Variants in BST1 observed in about 807,000 individuals in gnomAD.
The protein encoded by BST1 is ADP-ribosyl cyclase/cyclic ADP-ribose hydrolase 2.
In BST1, 49 loss-of-function variants were observed where a neutral mutation model predicts 40.6. The observed-to-expected ratio is 1.21, with a 90% CI of 0.96 to 1.53. BST1 has a LOEUF of 1.53. BST1 is among the 40% of genes most tolerant of loss of function. The pLI, the probability that BST1 is intolerant of heterozygous loss-of-function variation, is 0.00. For synonymous variants in BST1, 157 were observed against 159.3 expected (o/e 0.99, Z 0.11); for missense variants, 423 against 395.9 (o/e 1.07, Z -0.58).
At chr4:15,724,699 AAAATAAG>A (rs1721003994) in intron 8 of BST1, among the ~76,000 whole-genome samples, 1 of 142,162 alleles carries the variant, frequency 7.0e-6, no homozygotes, top group African/African-American at 2.9e-5. Flanking sequence ...AAAATAAAAT[AAAATAAG>A]AGAGAGAGAG....
Position 15,715,271 on chromosome 4 carries a change from G to T in BST1, c.535-14G>T, listed in dbSNP as rs1289236595. 2.5e-6 allele frequency: 4 copies of T among 1,611,942 alleles called. No individual in the cohort carries two copies. Among genetic ancestry groups the T allele is most frequent in the Non-Finnish European group, 3.4e-6 (4 of 1,178,538 alleles). On this transcript the variant is annotated splice_polypyrimidine_tract_variant and intron_variant, in intron 4 of 8. Coordinates refer to ENST00000265016, the MANE Select transcript of BST1 (RefSeq NM_004334.3). The stretch of plus-strand genomic sequence containing the variant: ...ACGTCTTTATTTGCTAAAAATACTT[G>T]GTTCTTCTCGTAGTATTCCAAGGAT...
In BST1 at chr4:15,705,552, G is replaced by T; in HGVS notation, c.226G>T (p.Val76Leu). The change falls in exon 2 of 9, where the codon GTG becomes TTG. Residue 76 changes from valine (V) to leucine (L), a missense_variant. By Grantham distance (32) the Val-to-Leu change is conservative (BLOSUM62 1). Transcript: ENST00000265016. The part of the protein sequence containing the change: ...NCTAIWEAFK[V>L]ALDKDPCSVL... ...CACAGCCATCTGGGAAGCCTTTAAAGTGGCGCTGGACAAGGATCCCTGCTC... is the reference window on the plus strand; with the variant it reads ...CACAGCCATCTGGGAAGCCTTTAAATTGGCGCTGGACAAGGATCCCTGCTC... 1 of 1,605,838 alleles carries T rather than the reference G, an allele frequency of 6.2e-7. No homozygotes were observed. Among genetic ancestry groups the T allele is most frequent in the South Asian group, 1.1e-5 (1 of 89,842 alleles).
chr4:15,712,180 T>C (rs10006230), intron 4 of BST1, among the ~76,000 whole-genome samples: 6,207 of 152,308 alleles, frequency 0.041, 395 homozygotes, highest in African/African-American at 0.14. Flanking sequence ...ATCATTAGTA[T>C]TTCAAATCAA....
chr4:15,711,995 G>A lies in BST1; in HGVS notation c.534+106G>A, dbSNP rs138828319. On this transcript the variant is annotated intron_variant, in intron 4 of 8. Transcript: ENST00000265016. ...CCAGGTCATCACTCAACTTCTCTGA[G>A]CCTCACTTTCCACTTTTACCACATC... is the stretch of plus-strand genomic sequence containing the variant. 611 of 891,212 alleles carry A rather than the reference G, an allele frequency of 6.9e-4. 3 individuals are homozygous for A. In the African/African-American group the frequency reaches 8.8e-3, roughly 13 times the overall value. The allele number at this position is 891,212 out of a possible 1,614,324, so 55.2% of individuals were successfully genotyped here. A position where few individuals can be genotyped will look rare whatever the true frequency, so the allele number is the denominator to read the frequency against.
the BST1 span, among the ~76,000 whole-genome samples, chr4:15,756,721 C>T: frequency 6.6e-6 from 1 of 152,130 alleles, no homozygotes; most frequent in Non-Finnish European, 1.5e-5. Flanking sequence ...TTCCCCCTAG[C>T]GGCCTCGGAG....
chr4:15,759,834 A>G, the BST1 span, among the ~76,000 whole-genome samples: 1 of 152,066 alleles, frequency 6.6e-6, no homozygotes, highest in Non-Finnish European at 1.5e-5. Context: ...AGTGGCATCA[A>G]ATCTGGAATG....
the BST1 span, among the ~76,000 whole-genome samples, chr4:15,755,009 T>C: frequency 6.6e-6 from 1 of 152,250 alleles, no homozygotes; most frequent in South Asian, 2.1e-4. Context: ...TCTGTATCAA[T>C]ACATACAGAG....
chr4:15,743,312 AACAAAAAAGCATGC>A (rs1274281131), downstream of BST1: 1 of 340,850 alleles, frequency 2.9e-6, no homozygotes. Flanking sequence ...AGCTAAACAG[AACAAAAAAGCATGC>A]ACATCTTACA....
In BST1 at chr4:15,707,519, C is replaced by T; in HGVS notation, c.324C>T (p.Phe108=). 1 of 1,611,008 alleles carries T rather than the reference C, an allele frequency of 6.2e-7. No homozygotes were observed. The highest frequency in any genetic ancestry group is 8.5e-7 in the Non-Finnish European group (1 of 1,178,706). The change falls in exon 3 of 9, where the codon TTC becomes TTT. Residue 108 remains phenylalanine, a synonymous_variant. Coordinates refer to ENST00000265016, the MANE Select transcript of BST1 (RefSeq NM_004334.3). ...RHSIPRDKSL[F]WENSHLLVNS... Reference sequence around the variant, plus strand: ...TGTTTGTCTTTCCTTAGTCCCTGTTCTGGGAAAATAGCCACCTCCTTGTTA... The same window carrying T: ...TGTTTGTCTTTCCTTAGTCCCTGTTTTGGGAAAATAGCCACCTCCTTGTTA...
At chr4:15,747,287 C>T in the BST1 span, among the ~76,000 whole-genome samples, 5,035 of 152,248 alleles carry the variant, frequency 0.033, 281 homozygotes, top group African/African-American at 0.11. Flanking sequence ...ATATATTAAC[C>T]ACAGTCTCAG....
intron 6 of BST1, among the ~76,000 whole-genome samples, 186 bp from the exon 7 acceptor site, chr4:15,718,721 A>G (rs568960300): frequency 1.1e-3 from 161 of 152,346 alleles, no homozygotes; most frequent in Non-Finnish European, 1.8e-3. Context: ...TCCTCAGAGC[A>G]TCGTCTCTTG....
At chr4:15,737,497 G>C (rs143794072), downstream of BST1, among the ~76,000 whole-genome samples, 73 of 152,336 alleles carry the variant, frequency 4.8e-4, no homozygotes, top group Middle Eastern at 6.8e-3. Flanking sequence ...GGCAAAAGCA[G>C]CTAAGAAAAC....
At chr4:15,706,356 A>G (rs1476547550) in intron 2 of BST1, among the ~76,000 whole-genome samples, 1 of 152,228 alleles carries the variant, frequency 6.6e-6, no homozygotes, top group Non-Finnish European at 1.5e-5. Flanking sequence ...AACTGGCCCA[A>G]TGGCCTGAAC....
intron 8 of BST1, among the ~76,000 whole-genome samples, chr4:15,725,071 A>G (rs905621992): frequency 3.3e-5 from 5 of 152,188 alleles, no homozygotes; most frequent in Admixed American, 2.6e-4. Context: ...AGTTACTGAG[A>G]GAGAAATAAA....
chr4:15,731,224 G>A (rs1721354255), intron 8 of BST1: 1 of 458,950 alleles, frequency 2.2e-6, no homozygotes, highest in African/African-American at 2.0e-5. Flanking sequence ...GAGCAGGGAG[G>A]GGCAATTTCC....
intron 3 of BST1, among the ~76,000 whole-genome samples, chr4:15,709,349 G>A (rs1242370071): frequency 6.6e-6 from 1 of 152,176 alleles, no homozygotes; most frequent in Non-Finnish European, 1.5e-5. Flanking sequence ...AGGACAGTGG[G>A]CAAAGAGGAA....
the BST1 span, among the ~76,000 whole-genome samples, chr4:15,745,908 T>C: frequency 4.6e-5 from 7 of 152,138 alleles, no homozygotes; most frequent in Admixed American, 2.0e-4. Flanking sequence ...CATGATATTA[T>C]CAATATAAGG....
At chr4:15,726,082 C>T (rs1721093724) in intron 8 of BST1, among the ~76,000 whole-genome samples, 3 of 150,354 alleles carry the variant, frequency 2.0e-5, no homozygotes, top group Admixed American at 2.0e-4. Flanking sequence ...CCACCTCAGC[C>T]TCCCAAACAG....
chr4:15,743,539 C>A, the BST1 span: 2 of 354,874 alleles, frequency 5.6e-6, no homozygotes, highest in Non-Finnish European at 5.6e-6. Context: ...GTTAAGGAAG[C>A]TGAGGGCAAC....
Sources: gnomAD v4.1 joint callset for allele counts (sites outside exome capture counted in the v4.1 genomes callset) on GRCh38, gnomAD v4.1.1 for gene constraint, MANE v1.5 for transcripts, NCBI Gene and HGNC (gene_info 2026-07-23, HGNC 2026-07-21) for gene names.